AAAS: variants seen among roughly 807,000 people sequenced by gnomAD.
AAAS encodes the protein aladin WD repeat nucleoporin, also known as aladin.
In AAAS, 60 loss-of-function variants were observed where a neutral mutation model predicts 75.6. That is an observed-to-expected ratio of 0.79 (90% CI 0.64 to 0.98). AAAS has a LOEUF of 0.98. Ranked by LOEUF, AAAS falls within the 50% of genes least tolerant of loss-of-function variation. AAAS has a pLI of 0.00. For synonymous variants in AAAS, 271 were observed against 265.0 expected (o/e 1.02, Z -0.22); for missense variants, 658 against 686.9 (o/e 0.96, Z 0.47).
intron 1 of AAAS, chr12:53,321,024 C>T: frequency 3.7e-6 from 2 of 541,840 alleles, no homozygotes; most frequent in Non-Finnish European, 6.6e-6. Context: ...GAAAAAAGTT[C>T]CATGTTGTAT....
At chr12:53,321,308 T>A (rs762496552) in intron 1 of AAAS, 35 bp downstream of exon 1, 1 of 1,603,692 alleles carries the variant, frequency 6.2e-7, no homozygotes, top group East Asian at 2.4e-5. Context: ...TCCGCCCCCA[T>A]GCCTGTAGGT....
intron 15 of AAAS, 66 bp from the exon 16 acceptor site, chr12:53,307,779 A>T (rs1944312525): frequency 6.2e-7 from 1 of 1,612,734 alleles, no homozygotes; most frequent in Non-Finnish European, 8.5e-7. Context: ...GCAGAGCCAT[A>T]CAGCAGCCAA....
intron 1 of AAAS, 129 bp downstream of exon 1, chr12:53,321,214 T>A (rs565077716): frequency 1.8e-4 from 257 of 1,451,538 alleles, no homozygotes; most frequent in African/African-American, 1.1e-3. Flanking sequence ...TCTAGCCTCC[T>A]GCCGGGGCCA....
Position 53,308,465 on chromosome 12 carries a change from G to A in AAAS, c.1151C>T (p.Thr384Ile). ...SATIVADLSE[T>I]TIQTPDGEER... ...CTCACCATCTGGTGTCTGTATTGTT[G>A]TCTCAGACAGATCTGCCACAATCGT... The change falls in exon 12 of 16, where the codon ACA (threonine) becomes ATA (isoleucine). Residue 384 changes from threonine to isoleucine, a missense_variant. Thr to Ile is a moderately conservative substitution (Grantham distance 89, BLOSUM62 -1). Coordinates refer to ENST00000209873, the MANE Select transcript of AAAS (RefSeq NM_015665.6). The A allele has an allele frequency of 4.3e-6, 7 of 1,614,130 alleles. No individual in the cohort carries two copies. Among genetic ancestry groups the A allele is most frequent in the Non-Finnish European group, 5.9e-6 (7 of 1,180,034 alleles).
chr12:53,318,745 T>G (rs1944506234), intron 2 of AAAS, among the ~76,000 whole-genome samples: 1 of 152,062 alleles, frequency 6.6e-6, no homozygotes, highest in Admixed American at 6.6e-5. Flanking sequence ...GCTGAATATA[T>G]GAAGTCTGCG....
At chr12:53,316,917 A>C (rs1261517799) in intron 2 of AAAS, among the ~76,000 whole-genome samples, 1 of 149,616 alleles carries the variant, frequency 6.7e-6, no homozygotes, top group African/African-American at 2.5e-5. Context: ...CTGTCTCTAC[A>C]AAAAAAAATA....
chr12:53,314,683 C>G (rs961635312), intron 6 of AAAS, 68 bp downstream of exon 6: 2 of 1,527,312 alleles, frequency 1.3e-6, no homozygotes, highest in African/African-American at 1.4e-5. Context: ...CAGGACTCCC[C>G]GGAACCAAGG....
chr12:53,320,978 C>T, intron 1 of AAAS: 2 of 538,264 alleles, frequency 3.7e-6, no homozygotes, highest in Non-Finnish European at 6.6e-6. Context: ...CAATAAATGT[C>T]AGTTTCCCTT....
At position 53,309,645 on chromosome 12, in the gene AAAS, C is replaced by T. The variant is rs199575080; in HGVS notation, c.766G>A (p.Gly256Arg). The part of the protein sequence containing the change: ...PVTSLAWAPS[G>R]GRLLSASPVD... ...GGTGAAGCTGAGAGCAGCCGCCCCC[C>T]ACTGGGGGCCCAGGCCAAGCTGGTA... The change falls in exon 8 of 16, where the codon GGG (glycine) becomes AGG (arginine). Residue 256 changes from glycine to arginine, a missense_variant. Transcript: ENST00000209873. 17 of 1,613,552 alleles carry T rather than the reference C, an allele frequency of 1.1e-5. No individual in the cohort carries two copies. The highest frequency in any genetic ancestry group is 1.3e-5 in the Non-Finnish European group (15 of 1,179,912).
intron 5 of AAAS, 45 bp from the exon 6 acceptor site, chr12:53,314,894 C>G (rs1236737290): frequency 6.4e-7 from 1 of 1,572,708 alleles, no homozygotes; most frequent in Non-Finnish European, 8.7e-7. Flanking sequence ...CTATCCCTAC[C>G]CTAGCCCAGA....
chr12:53,318,553 G>C (rs1274084023), intron 2 of AAAS, among the ~76,000 whole-genome samples: 1 of 152,082 alleles, frequency 6.6e-6, no homozygotes, highest in Non-Finnish European at 1.5e-5. Context: ...GGTGTGAAGA[G>C]GCTAATTAAT....
intron 2 of AAAS, among the ~76,000 whole-genome samples, chr12:53,318,263 TG>T (rs1565783339): frequency 1.9e-4 from 28 of 149,796 alleles, no homozygotes; most frequent in African/African-American, 6.6e-4. Flanking sequence ...TGTGTGTGTG[TG>T]TGTGTGTGTT....
At position 53,318,251 on chromosome 12, in the gene AAAS, T is replaced by TGTGTGTGTGC. The variant is rs1555191471; in HGVS notation, c.251+2313_251+2314insGCACACACAC. On this transcript the variant is annotated intron_variant, in intron 2 of 15. Transcript: ENST00000209873. ...GTGTGTGTGTGTGTGTGTGCGTGTG[T>TGTGTGTGTGC]GTGTGTGTGTGTGTGTGTGTGTTAA... 4.4e-5 allele frequency among the ~76,000 whole-genome samples: 6 copies of TGTGTGTGTGC among 137,214 alleles called. No homozygotes were observed. In the East Asian group the frequency reaches 1.2e-3, roughly 27 times the overall value. The allele number at this position is 137,214 out of a possible 152,430, so 90.0% of individuals were successfully genotyped here.
intron 7 of AAAS, among the ~76,000 whole-genome samples, chr12:53,310,528 C>T (rs949837092): frequency 6.6e-6 from 1 of 151,670 alleles, no homozygotes; most frequent in Non-Finnish European, 1.5e-5. Flanking sequence ...CCACTGCACT[C>T]CAGCCTGGCG....
chr12:53,309,901 A>G lies in AAAS; in HGVS notation c.690-180T>C, dbSNP rs1592513920. ...AAAGAAAAAAACAGCGAAGGGGAAA[A>G]ACGACCAAGTCACCACGAGCAGGTC... On this transcript the variant is annotated intron_variant, in intron 7 of 15. Transcript: ENST00000209873. 3 of 882,342 alleles carry G rather than the reference A, an allele frequency of 3.4e-6. No homozygotes were observed. In the East Asian group the frequency reaches 8.8e-5, roughly 26 times the overall value. The allele number at this position is 882,342 out of a possible 1,614,324, so 54.7% of individuals were successfully genotyped here. A position where few individuals can be genotyped will look rare whatever the true frequency, so the allele number is the denominator to read the frequency against.
In AAAS at chr12:53,320,599, G is replaced by A. The variant is rs373642042; in HGVS notation, c.217C>T (p.Arg73Trp). 11 of 1,613,948 alleles carry A rather than the reference G, an allele frequency of 6.8e-6. No homozygotes were observed. The Admixed American group carries it at 1.2e-4, about 17-fold the overall frequency. Residue 73 changes from arginine to tryptophan, a missense_variant, in exon 2 of 16, where the codon CGG (arginine) becomes TGG (tryptophan). Transcript: ENST00000209873. ...HGTRTAFIHHREQVWKRCINI... is the reference protein window; with the variant it reads ...HGTRTAFIHHWEQVWKRCINI... ...ATGCATCTCTTCCACACTTGCTCCC[G>A]GTGATGGATGAAGGCAGTTCTTGTG...
chr12:53,307,506 G>T lies in AAAS; in HGVS notation c.1624C>A (p.Pro542Thr), dbSNP rs746012321. 2 of 1,613,660 alleles carry T rather than the reference G, an allele frequency of 1.2e-6. No individual in the cohort carries two copies. Residue 542 changes from proline (P) to threonine (T), a missense_variant, in exon 16 of 16, where the codon CCA becomes ACA. By Grantham distance (38) the Pro-to-Thr change is conservative (BLOSUM62 -1). Transcript: ENST00000209873. ...PGPPPVLPHSPHSHL is the reference protein window; with the variant it reads ...PGPPPVLPHSTHSHL The stretch of plus-strand genomic sequence containing the variant: ...ATTTATTCTTAGAGGTGGGAATGTG[G>T]GGAGTGGGGCAGAACAGGTGGTGGC...
chr12:53,314,339 G>A lies in AAAS; in HGVS notation c.648C>T (p.Cys216=). 8 of 1,614,178 alleles carry A rather than the reference G, an allele frequency of 5.0e-6. No homozygotes were observed. The highest frequency in any genetic ancestry group is 6.8e-6 in the Non-Finnish European group (8 of 1,180,018). ...ASVLAVACQS[C]ILIWTLDPTS... ...TAGGGTCCAGGGTCCAGATAAGAAT[G>A]CAGCTCTGGCAGGCCACAGCCAAGA... Residue 216 remains cysteine (C), a synonymous_variant, in exon 7 of 16, where the codon TGC becomes TGT. Coordinates refer to ENST00000209873, the MANE Select transcript of AAAS (RefSeq NM_015665.6).
In AAAS at chr12:53,309,237, G is replaced by A. The variant is rs1546808; in HGVS notation, c.855C>T (p.Phe285=). 0.98 allele frequency: 1,589,612 copies of A among 1,613,986 alleles called. 785,609 individuals carry two copies. The highest frequency in any genetic ancestry group is 1 in the East Asian group (44,876 of 44,876). ...STETCVPLPW[F]RGGGVTNLLW... ...GCAGGTTGGTCACCCCACCTCCTCG[G>A]AACCAGGGAAGGGGGACACAGGTCT... Residue 285 remains phenylalanine (F), a synonymous_variant, in exon 9 of 16, where the codon TTC becomes TTT. Transcript: ENST00000209873.
Sources: gnomAD v4.1 joint callset for allele counts (sites outside exome capture counted in the v4.1 genomes callset) on GRCh38, gnomAD v4.1.1 for gene constraint, MANE v1.5 for transcripts, NCBI Gene and HGNC (gene_info 2026-07-23, HGNC 2026-07-21) for gene names.